Variants in PTPRM observed in about 807,000 individuals in gnomAD.
The protein encoded by PTPRM is protein tyrosine phosphatase receptor type M, also known as receptor-type tyrosine-protein phosphatase mu.
Under a neutral mutation model 186.7 loss-of-function variants are expected in PTPRM, and 47 were observed. That is an observed-to-expected ratio of 0.25 (90% confidence interval 0.20 to 0.32). The LOEUF is 0.32. Among genes scored for constraint, PTPRM ranks in the 10% least tolerant of loss-of-function variants. The pLI is 1.00. For missense variants in PTPRM, 1,494 were observed against 1,865.0 expected (o/e 0.80, Z 3.66); for synonymous variants, 668 against 674.9 (o/e 0.99, Z 0.16).
chr18:8,253,546 A>C, intron 19 of PTPRM, 132 bp downstream of exon 19: 1 of 855,512 alleles, frequency 1.2e-6, no homozygotes, highest in Non-Finnish European at 1.6e-6. Flanking sequence ...GATGAAGTAC[A>C]GTTGTCCCTC....
chr18:8,384,042 G>A lies in PTPRM; in HGVS notation c.3919-519G>A, dbSNP rs561027807. Among the ~76,000 whole-genome samples the A allele has an allele frequency of 7.5e-4, 114 of 152,228 alleles. No individual in the cohort carries two copies. The Middle Eastern group carries it at 0.014, about 18-fold the overall frequency. On this transcript the variant is annotated intron_variant, in intron 29 of 32. Transcript: ENST00000580170. ...GCTTTCTGAGAAAATGAAGGAAAAA[G>A]TCCCAGGAAAAGGACAGGTGGAGTT...
At chr18:8,098,757 T>C (rs2091134978) in intron 11 of PTPRM, among the ~76,000 whole-genome samples, 1 of 152,158 alleles carries the variant, frequency 6.6e-6, no homozygotes. Flanking sequence ...AGGACAGTGA[T>C]GACACCCCCT....
intron 1 of PTPRM, among the ~76,000 whole-genome samples, chr18:7,738,146 T>C (rs1283073898): frequency 6.6e-6 from 1 of 152,232 alleles, no homozygotes; most frequent in Non-Finnish European, 1.5e-5. Flanking sequence ...TGGACCATGA[T>C]TTTTAAATCA....
At chr18:8,333,450 A>G (rs1213899264) in intron 22 of PTPRM, among the ~76,000 whole-genome samples, 1 of 152,232 alleles carries the variant, frequency 6.6e-6, no homozygotes, top group Non-Finnish European at 1.5e-5. Flanking sequence ...ATGAAAAGCT[A>G]CTCAATGTAA....
At chr18:7,815,311 G>A (rs946406401) in intron 2 of PTPRM, 4 of 152,194 alleles carry the variant, frequency 2.6e-5, no homozygotes, top group African/African-American at 9.6e-5. Flanking sequence ...CGCAGTACCC[G>A]AATAAAGCCT....
chr18:7,751,712 C>G (rs1198245300), intron 1 of PTPRM, among the ~76,000 whole-genome samples: 2 of 152,084 alleles, frequency 1.3e-5, no homozygotes, highest in Non-Finnish European at 2.9e-5. Context: ...TAAATGAGAC[C>G]CATCTTTTCG....
chr18:8,230,640 C>T (rs1033831519), intron 14 of PTPRM, among the ~76,000 whole-genome samples: 1 of 152,170 alleles, frequency 6.6e-6, no homozygotes, highest in Non-Finnish European at 1.5e-5. Flanking sequence ...AATTAATGAA[C>T]ATAAAGTGCC....
chr18:7,846,544 C>T (rs916785829), intron 2 of PTPRM, among the ~76,000 whole-genome samples: 32 of 152,332 alleles, frequency 2.1e-4, no homozygotes, highest in African/African-American at 7.0e-4. Context: ...GGCCCTCTCC[C>T]GTGCTTCTGT....
chr18:8,117,503 A>G (rs1163664332), intron 13 of PTPRM, among the ~76,000 whole-genome samples: 1 of 152,210 alleles, frequency 6.6e-6, no homozygotes, highest in Non-Finnish European at 1.5e-5. Flanking sequence ...ATTTCATACT[A>G]TTTATAAATT....
chr18:7,977,663 A>G (rs1349758294), intron 7 of PTPRM, among the ~76,000 whole-genome samples: 1 of 152,206 alleles, frequency 6.6e-6, no homozygotes, highest in Non-Finnish European at 1.5e-5. Context: ...TAGCTGTGAT[A>G]CAAACTGACT....
At chr18:7,757,022 CCA>C (rs778821119) in intron 1 of PTPRM, among the ~76,000 whole-genome samples, 5 of 152,168 alleles carry the variant, frequency 3.3e-5, no homozygotes, top group Non-Finnish European at 5.9e-5. Flanking sequence ...AACTTTTATT[CCA>C]CACACACACC....
chr18:8,187,973 T>G (rs928301606), intron 14 of PTPRM, among the ~76,000 whole-genome samples: 3 of 152,244 alleles, frequency 2.0e-5, no homozygotes, highest in African/African-American at 7.2e-5. Flanking sequence ...TTTTTCTGTT[T>G]CTTTCCAGTC....
chr18:7,824,441 G>T (rs2045375706), intron 2 of PTPRM, among the ~76,000 whole-genome samples: 1 of 152,162 alleles, frequency 6.6e-6, no homozygotes, highest in Non-Finnish European at 1.5e-5. Flanking sequence ...GTGTGTGTGT[G>T]TGTGTTTTTT....
At chr18:7,869,471 G>A (rs770132564) in intron 2 of PTPRM, among the ~76,000 whole-genome samples, 12 of 152,234 alleles carry the variant, frequency 7.9e-5, no homozygotes, top group Non-Finnish European at 1.2e-4. Flanking sequence ...GACCCCTTGC[G>A]CTTCCCGGGA....
intron 22 of PTPRM, among the ~76,000 whole-genome samples, chr18:8,343,079 A>G (rs921987841): frequency 1.4e-4 from 21 of 152,188 alleles, no homozygotes; most frequent in African/African-American, 5.1e-4. Context: ...AGAAAGAGTA[A>G]TGTTATCTAT....
At chr18:8,211,520 C>T (rs1041282661) in intron 14 of PTPRM, among the ~76,000 whole-genome samples, 4 of 150,774 alleles carry the variant, frequency 2.7e-5, no homozygotes, top group Non-Finnish European at 4.4e-5. Context: ...TCTCCTACCT[C>T]AGCCTCCCGA....
At chr18:8,056,638 A>G (rs1459571471) in intron 7 of PTPRM, among the ~76,000 whole-genome samples, 2 of 152,164 alleles carry the variant, frequency 1.3e-5, no homozygotes, top group Non-Finnish European at 1.5e-5. Context: ...AAAAAAAAAA[A>G]AGATAAATGC....
At chr18:7,638,360 C>T (rs1039049371) in intron 1 of PTPRM, among the ~76,000 whole-genome samples, 1 of 152,098 alleles carries the variant, frequency 6.6e-6, no homozygotes, top group African/African-American at 2.4e-5. Flanking sequence ...GTAATTTATT[C>T]TAGGGCTCAA....
intron 1 of PTPRM, among the ~76,000 whole-genome samples, chr18:7,694,961 A>G (rs2039812738): frequency 6.6e-6 from 1 of 152,186 alleles, no homozygotes; most frequent in Non-Finnish European, 1.5e-5. Context: ...CTCCTGTGCT[A>G]AGTCTTTCCT....
Sources: allele counts gnomAD v4.1 joint callset (sites outside exome capture counted in the v4.1 genomes callset), GRCh38; gene constraint gnomAD v4.1.1; transcripts MANE v1.5; gene names NCBI Gene and HGNC (gene_info 2026-07-23, HGNC 2026-07-21).